Variants in PARD3B observed in about 807,000 individuals in gnomAD.
PARD3B encodes the protein partitioning defective 3 homolog B.
Under a neutral mutation model 130.2 loss-of-function variants are expected in PARD3B, and 103 were observed. The observed-to-expected ratio is 0.79, with a 90% CI of 0.67 to 0.93. The LOEUF is 0.93. Ranked by LOEUF, PARD3B falls within the 40% of genes least tolerant of loss-of-function variation. The pLI, the probability that PARD3B is intolerant of heterozygous loss-of-function variation, is 0.00. For missense variants in PARD3B, 1,609 were observed against 1,499.2 expected, an observed-to-expected ratio of 1.07 and a Z score of -1.21; for synonymous variants, 583 against 553.2, an observed-to-expected ratio of 1.05 and a Z score of -0.76.
At chr2:204,614,842 A>G (rs1392526296) in intron 1 of PARD3B, among the ~76,000 whole-genome samples, 1 of 152,150 alleles carries the variant, frequency 6.6e-6, no homozygotes, top group Admixed American at 6.6e-5. Context: ...TTTTCCCAGA[A>G]GCAGATGCTT....
At position 205,193,201 on chromosome 2, in the gene PARD3B, A is replaced by G; in HGVS notation, c.2025-4A>G. 1 of 1,589,852 alleles carries G rather than the reference A, an allele frequency of 6.3e-7. No individual in the cohort carries two copies. The highest frequency in any genetic ancestry group is 8.6e-7 in the Non-Finnish European group (1 of 1,158,478). On this transcript the variant is annotated splice_region_variant and splice_polypyrimidine_tract_variant and intron_variant, in intron 14 of 22. Coordinates refer to ENST00000406610, the MANE Select transcript of PARD3B (RefSeq NM_001302769.2). ...TAAATACAACATATGGCTTCCTTCCACAGCTCTGGGGTGGATTCAGCAGTA... is the reference window on the plus strand; with the variant it reads ...TAAATACAACATATGGCTTCCTTCCGCAGCTCTGGGGTGGATTCAGCAGTA...
rs761352328 is a variant in PARD3B at position 205,287,333 on chromosome 2, G to A, written c.2186-13197G>A. Among the ~76,000 whole-genome samples, 1 of 152,138 alleles carries A rather than the reference G, an allele frequency of 6.6e-6. No homozygotes were observed. The highest frequency in any genetic ancestry group is 1.5e-5 in the Non-Finnish European group (1 of 68,018). On this transcript the variant is annotated intron_variant, in intron 16 of 22. Coordinates refer to ENST00000406610, the MANE Select transcript of PARD3B (RefSeq NM_001302769.2). The surrounding 1 kb of genome is among the most constrained non-coding windows in gnomAD (Gnocchi z 4.8). ...CTCCTGGCAACTAAAATGTTCAGAG[G>A]AACATCCACAAAGAAATGTAGCTGC...
Position 205,446,546 on chromosome 2 carries a change from T to A in PARD3B, c.3044+5874T>A, listed in dbSNP as rs1384632963. Among the ~76,000 whole-genome samples the A allele has an allele frequency of 1.3e-5, 2 of 152,168 alleles. No individual in the cohort carries two copies. Among genetic ancestry groups the A allele is most frequent in the Admixed American group, 6.5e-5 (1 of 15,278 alleles). On this transcript the variant is annotated intron_variant, in intron 20 of 22. Coordinates refer to ENST00000406610, the MANE Select transcript of PARD3B (RefSeq NM_001302769.2). This position sits in a 1 kb window ranked among gnomAD's most constrained non-coding sequence, Gnocchi z 4.4. ...CACATAGGAACAGATCGTGTGTATGTGGTCCATAGTAGCTTTCTAATAGAG... is the reference window on the plus strand; with the variant it reads ...CACATAGGAACAGATCGTGTGTATGAGGTCCATAGTAGCTTTCTAATAGAG...
chr2:204,855,157 C>G (rs1012806746), intron 2 of PARD3B, among the ~76,000 whole-genome samples: 3 of 152,122 alleles, frequency 2.0e-5, no homozygotes, highest in African/African-American at 7.2e-5. Context: ...AAGCAGTTAT[C>G]CTGTCTCAGC....
rs1004508267 is a variant in PARD3B, at chr2:205,183,157, T to C, written c.1925-2607T>C. The stretch of plus-strand genomic sequence containing the variant: ...TAGGATTTTGACAGGTAGAGTAGGT[T>C]TTGCAGTTACATAAGCAAAGATACT... On this transcript the variant is annotated intron_variant, in intron 13 of 22. Coordinates refer to ENST00000406610, the MANE Select transcript of PARD3B (RefSeq NM_001302769.2). This position sits in a 1 kb window ranked among gnomAD's most constrained non-coding sequence, Gnocchi z 5.2. Among the ~76,000 whole-genome samples the C allele has an allele frequency of 1.3e-5, 2 of 151,996 alleles. No homozygotes were observed. Among genetic ancestry groups the C allele is most frequent in the African/African-American group, 4.8e-5 (2 of 41,354 alleles).
At chr2:204,558,529 G>A (rs1218359375) in intron 1 of PARD3B, among the ~76,000 whole-genome samples, 1 of 152,036 alleles carries the variant, frequency 6.6e-6, no homozygotes, top group African/African-American at 2.4e-5. Flanking sequence ...AACACTGCTC[G>A]ACAAAATAAA....
chr2:205,331,265 C>CCACACACA (rs56170026), intron 18 of PARD3B, among the ~76,000 whole-genome samples: 15,418 of 148,590 alleles, frequency 0.1, 1,157 homozygotes, highest in African/African-American at 0.22. Flanking sequence ...CACATATATT[C>CCACACACA]CACACACACA....
rs1452408484 is a variant in PARD3B at position 204,967,198 on chromosome 2, T to A, written c.394+1875T>A. On this transcript the variant is annotated intron_variant, in intron 3 of 22. Coordinates refer to ENST00000406610, the MANE Select transcript of PARD3B (RefSeq NM_001302769.2). The surrounding 1 kb of genome is among the most constrained non-coding windows in gnomAD (Gnocchi z 4.4). Reference sequence around the variant, plus strand: ...TACCAGATTAAATGATGAGACTAGCTCACTGTTAGGTGGGAAACATTCCCT... The same window carrying A: ...TACCAGATTAAATGATGAGACTAGCACACTGTTAGGTGGGAAACATTCCCT... 6.6e-6 allele frequency among the ~76,000 whole-genome samples: 1 copy of A among 152,234 alleles called. No individual in the cohort carries two copies. Among genetic ancestry groups the A allele is most frequent in the Non-Finnish European group, 1.5e-5 (1 of 68,048 alleles).
rs541414387 is a variant in PARD3B at position 204,694,809 on chromosome 2, C to T, written c.222+8527C>T. Among the ~76,000 whole-genome samples, 23 of 152,000 alleles carry T rather than the reference C, an allele frequency of 1.5e-4. 1 individual carries two copies. The South Asian group carries it at 2.1e-3, about 14-fold the overall frequency. The stretch of plus-strand genomic sequence containing the variant: ...GTGTATGGGTGTATGTGTGTATGTA[C>T]GTATGATGAGAGAATCTGTGCACAG... On this transcript the variant is annotated intron_variant, in intron 2 of 22. Transcript: ENST00000406610.
At position 205,309,735 on chromosome 2, in the gene PARD3B, C is replaced by A. The variant is rs11690439; in HGVS notation, c.2630+8034C>A. 6.6e-6 allele frequency among the ~76,000 whole-genome samples: 1 copy of A among 151,848 alleles called. No homozygotes were observed. Among genetic ancestry groups the A allele is most frequent in the Non-Finnish European group, 1.5e-5 (1 of 67,976 alleles). The stretch of plus-strand genomic sequence containing the variant: ...AAAAATCTATCCCTTACAAGCTCTG[C>A]GGCCTTCACGAGTCCCTTTGAGTTT... On this transcript the variant is annotated intron_variant, in intron 18 of 22. Coordinates refer to ENST00000406610, the MANE Select transcript of PARD3B (RefSeq NM_001302769.2). This position sits in a 1 kb window ranked among gnomAD's most constrained non-coding sequence, Gnocchi z 4.7.
intron 2 of PARD3B, among the ~76,000 whole-genome samples, chr2:204,771,681 T>G (rs1183243977): frequency 1.3e-5 from 2 of 152,096 alleles, no homozygotes; most frequent in Non-Finnish European, 2.9e-5. Context: ...AAAATTAAAA[T>G]TAAAAAGTTG....
chr2:205,001,533 C>T (rs1694827244), intron 3 of PARD3B, among the ~76,000 whole-genome samples: 1 of 152,216 alleles, frequency 6.6e-6, no homozygotes, highest in African/African-American at 2.4e-5. Context: ...GTGTGACAGG[C>T]ACCGTCAGCT....
At chr2:205,156,680 A>G (rs866941993) in intron 10 of PARD3B, among the ~76,000 whole-genome samples, 2 of 152,184 alleles carry the variant, frequency 1.3e-5, no homozygotes, top group Non-Finnish European at 2.9e-5. Flanking sequence ...TGGAATGGAC[A>G]TGACAATAAA....
intron 1 of PARD3B, among the ~76,000 whole-genome samples, chr2:204,599,386 C>T (rs1353743046): frequency 6.6e-6 from 1 of 151,830 alleles, no homozygotes; most frequent in Admixed American, 6.6e-5. Context: ...TTACTTTTTA[C>T]TTCTATGAGA....
chr2:204,763,139 A>C (rs2040982708), intron 2 of PARD3B, among the ~76,000 whole-genome samples: 1 of 152,148 alleles, frequency 6.6e-6, no homozygotes, highest in Non-Finnish European at 1.5e-5. Context: ...TAACATAGCT[A>C]TATGATTTCT....
chr2:205,457,743 A>T (rs542614417), intron 20 of PARD3B, among the ~76,000 whole-genome samples: 3 of 151,606 alleles, frequency 2.0e-5, no homozygotes, highest in Non-Finnish European at 4.4e-5. Context: ...TTGTTTTCTA[A>T]CTTTCAATGT....
At chr2:205,340,541 C>A (rs1431114782) in intron 18 of PARD3B, among the ~76,000 whole-genome samples, 2 of 152,060 alleles carry the variant, frequency 1.3e-5, no homozygotes, top group Non-Finnish European at 2.9e-5. Flanking sequence ...AACTTGATAT[C>A]TGTGTGCAGA....
chr2:205,582,543 T>G (rs1358036988), intron 22 of PARD3B, among the ~76,000 whole-genome samples: 1 of 152,124 alleles, frequency 6.6e-6, no homozygotes, highest in Non-Finnish European at 1.5e-5. Flanking sequence ...CTCTCCATGT[T>G]GATGACTTTG....
rs2048441868 is a variant in PARD3B at position 205,461,213 on chromosome 2, G to A, written c.3044+20541G>A. On this transcript the variant is annotated intron_variant, in intron 20 of 22. Coordinates refer to ENST00000406610, the MANE Select transcript of PARD3B (RefSeq NM_001302769.2). The surrounding 1 kb of genome is among the most constrained non-coding windows in gnomAD (Gnocchi z 4.3). ...CGACATTTAAGTCGAGACTCAAAGA[G>A]TGAGTAGCCATGAGAATTTGGGTGC... Among the ~76,000 whole-genome samples, 2 of 152,206 alleles carry A rather than the reference G, an allele frequency of 1.3e-5. 1 individual carries two copies. The highest frequency in any genetic ancestry group is 4.1e-4 in the South Asian group (2 of 4,836).
Sources: gnomAD v4.1 joint callset for allele counts (sites outside exome capture counted in the v4.1 genomes callset) on GRCh38, gnomAD v4.1.1 for gene constraint, Gnocchi (gnomAD v3.1) non-coding constraint, MANE v1.5 for transcripts, NCBI Gene and HGNC (gene_info 2026-07-23, HGNC 2026-07-21) for gene names.